Variants in EIF2A observed in about 807,000 individuals in gnomAD.
The protein encoded by EIF2A is eukaryotic translation initiation factor 2A, also known as 65 kDa eukaryotic translation initiation factor 2A.
A neutral mutation model predicts 75.2 loss-of-function variants in EIF2A; 62 were observed. The observed-to-expected ratio is 0.82, with a 90% CI of 0.67 to 1.02. The LOEUF (loss-of-function observed/expected upper bound fraction) is 1.02. EIF2A is among the 50% of genes least tolerant of loss of function. EIF2A has a pLI of 0.00. For missense variants in EIF2A, 611 were observed against 677.7 expected (o/e 0.90, Z 1.09); for synonymous variants, 207 against 239.0 (o/e 0.87, Z 1.23).
chr3:150,560,876 C>CT lies in EIF2A; in HGVS notation c.174-1664dup, dbSNP rs1723817553. ...ATTTTTCTAAGCCTAAATTTCAGCACTTGTAAAACAGAAATGATGACATTT... is the reference window on the plus strand; with the variant it reads ...ATTTTTCTAAGCCTAAATTTCAGCACTTTGTAAAACAGAAATGATGACATTT... On this transcript the variant is annotated intron_variant, in intron 3 of 13. Transcript: ENST00000460851. Among the ~76,000 whole-genome samples, 7 of 152,040 alleles carry CT rather than the reference C, an allele frequency of 4.6e-5. No homozygotes were observed. The South Asian group carries it at 1.5e-3, about 32-fold the overall frequency.
intron 11 of EIF2A, among the ~76,000 whole-genome samples, chr3:150,579,030 C>T (rs10935809): frequency 0.2 from 30,408 of 152,052 alleles, 3,302 homozygotes; most frequent in East Asian, 0.4. Flanking sequence ...GACATTTCAA[C>T]TTGTTCTTGG....
intron 2 of EIF2A, among the ~76,000 whole-genome samples, chr3:150,558,011 T>TA (rs1723658153): frequency 6.6e-6 from 1 of 152,246 alleles, no homozygotes; most frequent in Non-Finnish European, 1.5e-5. Context: ...ACTTCGGAGA[T>TA]ACAGTACTTA....
intron 10 of EIF2A, among the ~76,000 whole-genome samples, chr3:150,573,373 C>T (rs1318607124): frequency 6.6e-6 from 1 of 152,168 alleles, no homozygotes; most frequent in Admixed American, 6.5e-5. Context: ...CTGCCTCAGC[C>T]TTTTGAGTAG....
intron 6 of EIF2A, chr3:150,567,160 C>T (rs1724231071): frequency 6.6e-6 from 1 of 152,144 alleles, no homozygotes; most frequent in South Asian, 2.1e-4. Flanking sequence ...ACTAGAGTGG[C>T]AGTTTTATTA....
At chr3:150,570,472 G>A (rs963148626) in intron 9 of EIF2A, among the ~76,000 whole-genome samples, 1 of 151,260 alleles carries the variant, frequency 6.6e-6, no homozygotes. Context: ...AGGCTGAGGT[G>A]GGAGGATTGT....
rs1043325385 is a variant in EIF2A, at chr3:150,582,377, C to T, written c.1626+631C>T. Among the ~76,000 whole-genome samples the T allele has an allele frequency of 7.9e-5, 12 of 151,170 alleles. No homozygotes were observed. In the East Asian group the frequency reaches 2.2e-3, roughly 27 times the overall value. On this transcript the variant is annotated intron_variant, in intron 12 of 13. Coordinates refer to ENST00000460851, the MANE Select transcript of EIF2A (RefSeq NM_032025.5). The stretch of plus-strand genomic sequence containing the variant: ...TCGACCAGGTTGGAATGCAGTGGCG[C>T]GATCTCGGCTCACTGCAAGCTCCGC...
At position 150,572,517 on chromosome 3, in the gene EIF2A, C is replaced by A. The variant is rs769435763; in HGVS notation, c.1371C>A (p.Thr457=). 6.2e-7 allele frequency: 1 copy of A among 1,601,320 alleles called. No homozygotes were observed. The highest frequency in any genetic ancestry group is 8.5e-7 in the Non-Finnish European group (1 of 1,174,922). Reference sequence around the variant, plus strand: ...CAGCTTTAAGAAATAAACCAATCACCAATTCCAAATTGGTAAGTAAAGTTT... The same window carrying A: ...CAGCTTTAAGAAATAAACCAATCACAAATTCCAAATTGGTAAGTAAAGTTT... ...RPPALRNKPI[T]NSKLHEEEPP... The change falls in exon 10 of 14, where the codon ACC becomes ACA. Residue 457 remains threonine (T), a synonymous_variant. Transcript: ENST00000460851.
chr3:150,565,426 T>C (rs985146280), intron 6 of EIF2A, among the ~76,000 whole-genome samples: 3 of 152,210 alleles, frequency 2.0e-5, no homozygotes, highest in Non-Finnish European at 4.4e-5. Context: ...ACTGCTTCTA[T>C]AAAGAAAAAT....
rs547074971 is a variant in EIF2A, at chr3:150,573,189, T to A, written c.1383+660T>A. On this transcript the variant is annotated intron_variant, in intron 10 of 13. Transcript: ENST00000460851. ...CATAAAAGTAGTAGGTTTATTTTGG[T>A]GAGGGGGAGAAATTGATACAGAAAA... Among the ~76,000 whole-genome samples, 40 of 152,274 alleles carry A rather than the reference T, an allele frequency of 2.6e-4. No individual in the cohort carries two copies. The East Asian group carries it at 4.4e-3, about 17-fold the overall frequency.
At chr3:150,546,977 T>TA in intron 1 of EIF2A, 147 bp downstream of exon 1, 1 of 1,087,684 alleles carries the variant, frequency 9.2e-7, no homozygotes, top group South Asian at 1.5e-5. Flanking sequence ...GCTTTCTTGA[T>TA]ATAGCGTGGC....
intron 9 of EIF2A, among the ~76,000 whole-genome samples, chr3:150,568,706 A>C (rs1043494195): frequency 2.0e-5 from 3 of 152,202 alleles, no homozygotes; most frequent in Admixed American, 2.0e-4. Context: ...ATTTGAACTC[A>C]GGAGTTCAAG....
intron 9 of EIF2A, among the ~76,000 whole-genome samples, chr3:150,571,560 T>C (rs1724522847): frequency 6.6e-6 from 1 of 152,212 alleles, no homozygotes; most frequent in Admixed American, 6.5e-5. Flanking sequence ...TAAGCTGTGA[T>C]CATGCCACTG....
At chr3:150,558,305 T>C in intron 2 of EIF2A, 83 bp from the exon 3 acceptor site, 4 of 1,217,456 alleles carry the variant, frequency 3.3e-6, no homozygotes, top group Non-Finnish European at 4.4e-6. Context: ...AAATTGATAG[T>C]GAAATGGTTG....
At chr3:150,561,317 C>A (rs1723839067) in intron 3 of EIF2A, among the ~76,000 whole-genome samples, 1 of 152,140 alleles carries the variant, frequency 6.6e-6, no homozygotes, top group Admixed American at 6.5e-5. Flanking sequence ...GTGGCTCATA[C>A]CTGTAATCCC....
Position 150,558,446 on chromosome 3 carries a change from T to C in EIF2A, c.157T>C (p.Trp53Arg). 2.0e-6 allele frequency: 3 copies of C among 1,514,296 alleles called. No individual in the cohort carries two copies. Among genetic ancestry groups the C allele is most frequent in the African/African-American group, 1.4e-5 (1 of 69,200 alleles). 93.8% of individuals were successfully genotyped at this position (1,514,296 alleles called of 1,614,324 possible). Residue 53 changes from tryptophan (W) to arginine (R), a missense_variant, in exon 3 of 14, where the codon TGG (tryptophan) becomes CGG (arginine). Transcript: ENST00000460851. ...IFSKDGTLFA[W>R]GNGEKVNIIS... ...TAGTAAGGATGGGACCTTGTTTGCC[T>C]GGGGCAATGGAGAAAAGTTAGTGTT... is the stretch of plus-strand genomic sequence containing the variant.
In EIF2A at chr3:150,584,838, T is replaced by A. The variant is rs549793879; in HGVS notation, c.*927T>A. On this transcript the variant is annotated 3_prime_UTR_variant, in exon 14 of 14. Transcript: ENST00000460851. ...CCTATGTAGTAACAAAATCCTTTTT[T>A]AAAAATTTTTAAAGAAAAAGTATAC... Among the ~76,000 whole-genome samples, 1 of 152,282 alleles carries A rather than the reference T, an allele frequency of 6.6e-6. No homozygotes were observed. Among genetic ancestry groups the A allele is most frequent in the African/African-American group, 2.4e-5 (1 of 41,552 alleles).
chr3:150,581,947 G>A (rs2107978906), intron 12 of EIF2A, among the ~76,000 whole-genome samples: 1 of 152,206 alleles, frequency 6.6e-6, no homozygotes, highest in South Asian at 2.1e-4. Context: ...AAGACTCTTA[G>A]TACTTTGATT....
intron 11 of EIF2A, among the ~76,000 whole-genome samples, chr3:150,578,026 C>T (rs970757809): frequency 6.6e-6 from 1 of 152,020 alleles, no homozygotes; most frequent in Non-Finnish European, 1.5e-5. Flanking sequence ...AGTCTTGTCC[C>T]TTCATCAGTA....
chr3:150,583,243 GA>G lies in EIF2A; in HGVS notation c.1674del (p.Lys558AsnfsTer3). 1 of 1,612,882 alleles carries G rather than the reference GA, an allele frequency of 6.2e-7. No homozygotes were observed. Among genetic ancestry groups the G allele is most frequent in the Non-Finnish European group, 8.5e-7 (1 of 1,179,504 alleles). ...CAACTGAAAGAACAAGCAGCAACTG[GA>G]AAACAGCTAGAAAAAAATCAGGTAC... ...IEQLKEQAAT[G>X]KQLEKNQLEK... On this transcript the variant is annotated frameshift_variant, in exon 13 of 14. Coordinates refer to ENST00000460851, the MANE Select transcript of EIF2A (RefSeq NM_032025.5). LOFTEE classifies it high-confidence loss of function.
Sources: allele counts gnomAD v4.1 joint callset (sites outside exome capture counted in the v4.1 genomes callset), GRCh38; gene constraint gnomAD v4.1.1; transcripts MANE v1.5; gene names NCBI Gene and HGNC (gene_info 2026-07-23, HGNC 2026-07-21).